Variants in RBMS3 observed in about 807,000 individuals in gnomAD.
The protein encoded by RBMS3 is RNA-binding motif, single-stranded-interacting protein 3.
A neutral mutation model predicts 66.8 loss-of-function variants in RBMS3; 27 were observed. The ratio of observed to expected loss-of-function variants is 0.40; its 90% confidence interval spans 0.30 to 0.56. The LOEUF (loss-of-function observed/expected upper bound fraction) is 0.56. RBMS3 is among the 20% of genes least tolerant of loss of function. The pLI, the probability that RBMS3 is intolerant of heterozygous loss-of-function variation, is 0.40. For missense variants in RBMS3, 513 were observed against 549.5 expected (o/e 0.93, Z 0.66); for synonymous variants, 188 against 183.0 (o/e 1.03, Z -0.22).
At chr3:29,880,991 T>C (rs1263671970) in intron 7 of RBMS3, among the ~76,000 whole-genome samples, 1 of 150,764 alleles carries the variant, frequency 6.6e-6, no homozygotes, top group Non-Finnish European at 1.5e-5. Flanking sequence ...TTTAAGTATA[T>C]AATGTCCCCG....
chr3:29,376,958 G>A lies in RBMS3; in HGVS notation c.76-57785G>A, dbSNP rs150112144. On this transcript the variant is annotated intron_variant, in intron 1 of 14. Coordinates refer to ENST00000383767, the MANE Select transcript of RBMS3 (RefSeq NM_001003793.3). ...AAAAAAATTAGCCGGACGTGGTGGC[G>A]GATGCCTGTAATCCCAGCTACTCAG... Among the ~76,000 whole-genome samples, 589 of 151,948 alleles carry A rather than the reference G, an allele frequency of 3.9e-3. 1 individual carries two copies. Among genetic ancestry groups the A allele is most frequent in the Non-Finnish European group, 6.6e-3 (449 of 67,952 alleles).
At chr3:29,537,966 T>G (rs1188649224) in intron 3 of RBMS3, among the ~76,000 whole-genome samples, 1 of 152,162 alleles carries the variant, frequency 6.6e-6, no homozygotes, top group Non-Finnish European at 1.5e-5. Flanking sequence ...TGTATTTGCT[T>G]TTTGCATATA....
intron 3 of RBMS3, among the ~76,000 whole-genome samples, chr3:29,564,981 G>A (rs2046691358): frequency 6.6e-6 from 1 of 152,158 alleles, no homozygotes; most frequent in South Asian, 2.1e-4. Context: ...GGCAGCAGGA[G>A]TTTCCTTTAG....
chr3:29,481,267 G>A (rs896556093), intron 2 of RBMS3, among the ~76,000 whole-genome samples: 1 of 152,086 alleles, frequency 6.6e-6, no homozygotes, highest in Non-Finnish European at 1.5e-5. Flanking sequence ...GCTTTGAAAG[G>A]GATACCCATG....
At position 29,402,759 on chromosome 3, in the gene RBMS3, G is replaced by T. The variant is rs182221445; in HGVS notation, c.76-31984G>T. ...TAAATTTTATGTTTTTCAAGGGGAGGAATGATGTTCTGTACAATGTTTGCA... is the reference window on the plus strand; with the variant it reads ...TAAATTTTATGTTTTTCAAGGGGAGTAATGATGTTCTGTACAATGTTTGCA... On this transcript the variant is annotated intron_variant, in intron 1 of 14. Transcript: ENST00000383767. Among the ~76,000 whole-genome samples, 63 of 152,070 alleles carry T rather than the reference G, an allele frequency of 4.1e-4. No individual in the cohort carries two copies. The East Asian group carries it at 7.2e-3, about 17-fold the overall frequency.
intron 3 of RBMS3, among the ~76,000 whole-genome samples, chr3:29,583,977 T>G (rs2047421515): frequency 6.6e-6 from 1 of 151,978 alleles, no homozygotes; most frequent in Admixed American, 6.6e-5. Context: ...TGACCTTAGA[T>G]CCCCTGCTAG....
chr3:29,291,561 G>A (rs1416476923), intron 1 of RBMS3, among the ~76,000 whole-genome samples: 2 of 151,792 alleles, frequency 1.3e-5, no homozygotes, highest in East Asian at 3.9e-4. Context: ...TTTCCCTAGG[G>A]CACCCTCTTA....
intron 7 of RBMS3, among the ~76,000 whole-genome samples, chr3:29,876,316 A>T (rs1013042699): frequency 6.6e-6 from 1 of 152,312 alleles, no homozygotes; most frequent in Admixed American, 6.5e-5. Context: ...AAAAAAAATT[A>T]TCTTTAGAAG....
At chr3:29,841,921 A>G (rs529881087) in intron 6 of RBMS3, among the ~76,000 whole-genome samples, 1 of 152,220 alleles carries the variant, frequency 6.6e-6, no homozygotes, top group South Asian at 2.1e-4. Flanking sequence ...TAATTTTCCC[A>G]TAGGTGTAAA....
chr3:29,777,650 A>G (rs976176131), intron 6 of RBMS3, among the ~76,000 whole-genome samples: 4 of 151,920 alleles, frequency 2.6e-5, no homozygotes, highest in Admixed American at 6.6e-5. Flanking sequence ...TTATCTTTCC[A>G]TTCTGCTTCC....
intron 1 of RBMS3, among the ~76,000 whole-genome samples, chr3:29,365,896 C>T (rs1259221637): frequency 1.3e-5 from 2 of 152,160 alleles, no homozygotes; most frequent in Non-Finnish European, 2.9e-5. Context: ...GCCTCCTTAA[C>T]ATTTGTGAGC....
chr3:29,316,306 T>A (rs1340313264), intron 1 of RBMS3, among the ~76,000 whole-genome samples: 1 of 151,774 alleles, frequency 6.6e-6, no homozygotes, highest in Non-Finnish European at 1.5e-5. Flanking sequence ...ACTTTTTGTT[T>A]GTTTTGTTTC....
intron 6 of RBMS3, among the ~76,000 whole-genome samples, chr3:29,833,895 A>T (rs942950395): frequency 6.6e-6 from 1 of 152,114 alleles, no homozygotes; most frequent in African/African-American, 2.4e-5. Flanking sequence ...TCAAATTGTC[A>T]AAAATCAAAG....
chr3:29,972,797 C>G (rs1480658144), intron 12 of RBMS3, among the ~76,000 whole-genome samples: 1 of 152,046 alleles, frequency 6.6e-6, no homozygotes, highest in Non-Finnish European at 1.5e-5. Context: ...AGTTCCCTTT[C>G]TCTTTGGCTA....
intron 4 of RBMS3, among the ~76,000 whole-genome samples, chr3:29,726,174 A>G (rs184364691): frequency 6.6e-6 from 1 of 152,100 alleles, no homozygotes; most frequent in East Asian, 1.9e-4. Flanking sequence ...CATGCTAAAA[A>G]CTCTCAATAT....
chr3:29,363,607 G>A (rs1056872954), intron 1 of RBMS3, among the ~76,000 whole-genome samples: 1 of 152,022 alleles, frequency 6.6e-6, no homozygotes, highest in Non-Finnish European at 1.5e-5. Context: ...TGGCCGATAT[G>A]GCGAAACCCC....
intron 10 of RBMS3, among the ~76,000 whole-genome samples, chr3:29,935,090 T>A (rs1483791190): frequency 6.6e-6 from 1 of 152,154 alleles, no homozygotes; most frequent in African/African-American, 2.4e-5. Flanking sequence ...TATCACAATC[T>A]TTAAATAAAC....
intron 4 of RBMS3, among the ~76,000 whole-genome samples, chr3:29,640,897 C>A (rs567841665): frequency 5.9e-5 from 9 of 151,956 alleles, no homozygotes; most frequent in African/African-American, 2.2e-4. Context: ...CTGTGTTTAC[C>A]CATCTTTAAA....
intron 7 of RBMS3, among the ~76,000 whole-genome samples, chr3:29,883,392 C>T (rs190637918): frequency 6.6e-6 from 1 of 152,178 alleles, no homozygotes; most frequent in African/African-American, 2.4e-5. Flanking sequence ...AGAAAATACT[C>T]CTCCTGCCTA....
Sources: gnomAD v4.1 joint callset for allele counts (sites outside exome capture counted in the v4.1 genomes callset) on GRCh38, gnomAD v4.1.1 for gene constraint, MANE v1.5 for transcripts, NCBI Gene and HGNC (gene_info 2026-07-23, HGNC 2026-07-21) for gene names.